The following BCAR3 variants were observed in gnomAD, a reference collection of about 807,000 sequenced individuals.
BCAR3 encodes breast cancer anti-estrogen resistance protein 3.
A neutral mutation model predicts 80.1 loss-of-function variants in BCAR3; 37 were observed. The observed-to-expected ratio is 0.46, with a 90% CI of 0.36 to 0.61. The LOEUF (loss-of-function observed/expected upper bound fraction) is 0.61, where lower values mean the gene tolerates loss of function less well. Among genes scored for constraint, BCAR3 ranks in the 20% least tolerant of loss-of-function variants. The pLI is 0.00. For missense variants in BCAR3, 978 were observed against 1,068.2 expected (o/e 0.92, Z 1.18); for synonymous variants, 389 against 418.9 (o/e 0.93, Z 0.87).
At chr1:93,610,050 G>T (rs1314344794) in intron 3 of BCAR3, among the ~76,000 whole-genome samples, 1 of 152,192 alleles carries the variant, frequency 6.6e-6, no homozygotes, top group Non-Finnish European at 1.5e-5. Flanking sequence ...CACCAGGCAT[G>T]GTATTACAGC....
At chr1:93,727,648 A>G (rs1279122827) in intron 2 of BCAR3, among the ~76,000 whole-genome samples, 1 of 152,228 alleles carries the variant, frequency 6.6e-6, no homozygotes, top group Non-Finnish European at 1.5e-5. Flanking sequence ...CCATTACAGA[A>G]GTTATACATG....
chr1:93,846,697 A>G, intron 1 of BCAR3: 3 of 342,022 alleles, frequency 8.8e-6, no homozygotes, highest in Non-Finnish European at 1.7e-5. Flanking sequence ...CAGCGCTCCC[A>G]CGCGTGCTGA....
chr1:93,715,364 A>C (rs544470849), intron 2 of BCAR3, among the ~76,000 whole-genome samples: 2 of 152,344 alleles, frequency 1.3e-5, no homozygotes, highest in African/African-American at 4.8e-5. Context: ...AGGAAAGATG[A>C]CAGAAACAAA....
chr1:93,740,334 G>C (rs935787310), intron 2 of BCAR3, among the ~76,000 whole-genome samples: 1 of 152,222 alleles, frequency 6.6e-6, no homozygotes. Context: ...GCTGTGGAGG[G>C]AGAGGCTTCC....
intron 2 of BCAR3, among the ~76,000 whole-genome samples, chr1:93,777,773 A>G (rs1214849707): frequency 1.3e-5 from 2 of 152,160 alleles, no homozygotes; most frequent in Non-Finnish European, 2.9e-5. Flanking sequence ...AGAAAGAAAC[A>G]TTCCCTTCTC....
At chr1:93,642,672 T>C (rs933101449) in intron 2 of BCAR3, among the ~76,000 whole-genome samples, 1 of 152,204 alleles carries the variant, frequency 6.6e-6, no homozygotes, top group Non-Finnish European at 1.5e-5. Context: ...CAGGCAGGAC[T>C]GGGTACGGGA....
chr1:93,632,956 T>C (rs563579233), intron 3 of BCAR3, among the ~76,000 whole-genome samples: 3 of 151,906 alleles, frequency 2.0e-5, no homozygotes, highest in South Asian at 2.1e-4. Flanking sequence ...GAGGCAGAGG[T>C]TGCAGTGAGC....
At chr1:93,583,965 G>A in intron 6 of BCAR3, 53 bp downstream of exon 6, 2 of 1,561,854 alleles carry the variant, frequency 1.3e-6, no homozygotes, top group Non-Finnish European at 1.8e-6. Flanking sequence ...GTAACAGCCT[G>A]AAGGAAACCA....
chr1:93,735,860 G>A (rs555835921), intron 2 of BCAR3, among the ~76,000 whole-genome samples: 1 of 152,344 alleles, frequency 6.6e-6, no homozygotes, highest in Admixed American at 6.5e-5. Flanking sequence ...CACAGCATTT[G>A]GTGGCCTTCC....
chr1:93,597,586 G>A (rs147209277), intron 3 of BCAR3, among the ~76,000 whole-genome samples: 2 of 152,342 alleles, frequency 1.3e-5, no homozygotes, highest in Non-Finnish European at 2.9e-5. Flanking sequence ...GTCATGAGGT[G>A]TTAATAAGGA....
At chr1:93,607,185 C>G (rs1674795798) in intron 3 of BCAR3, among the ~76,000 whole-genome samples, 1 of 152,120 alleles carries the variant, frequency 6.6e-6, no homozygotes. Context: ...ATTGGAAGCT[C>G]AAATCCCACC....
At chr1:93,808,509 C>T (rs1031634069) in intron 2 of BCAR3, among the ~76,000 whole-genome samples, 1 of 151,964 alleles carries the variant, frequency 6.6e-6, no homozygotes, top group Non-Finnish European at 1.5e-5. Context: ...CCAGCAAAAT[C>T]GATGTATAAA....
At chr1:93,796,533 A>C (rs1415398788) in intron 2 of BCAR3, among the ~76,000 whole-genome samples, 2 of 150,612 alleles carry the variant, frequency 1.3e-5, no homozygotes, top group Non-Finnish European at 2.9e-5. Context: ...GTGCGCGCAC[A>C]CACTGGCCTG....
chr1:93,580,560 T>C (rs1412414368), intron 7 of BCAR3, among the ~76,000 whole-genome samples: 1 of 152,142 alleles, frequency 6.6e-6, no homozygotes, highest in Non-Finnish European at 1.5e-5. Context: ...TAGACTTTTT[T>C]CCTTGCCATT....
At chr1:93,568,641 G>A (rs1048586526) in intron 9 of BCAR3, among the ~76,000 whole-genome samples, 4 of 152,132 alleles carry the variant, frequency 2.6e-5, no homozygotes, top group Non-Finnish European at 4.4e-5. Flanking sequence ...CAAAATTCCT[G>A]TCTATACGCA....
chr1:93,708,641 C>T (rs1301306046), intron 2 of BCAR3, among the ~76,000 whole-genome samples: 2 of 152,178 alleles, frequency 1.3e-5, no homozygotes. Context: ...TCACAGAAAC[C>T]GGTTTCAGTT....
At chr1:93,783,722 A>C (rs1652844696) in intron 2 of BCAR3, among the ~76,000 whole-genome samples, 1 of 152,220 alleles carries the variant, frequency 6.6e-6, no homozygotes, top group South Asian at 2.1e-4. Flanking sequence ...CATATTGCCT[A>C]GGAGTACATA....
chr1:93,724,234 G>A (rs974143274), intron 2 of BCAR3, among the ~76,000 whole-genome samples: 1 of 152,170 alleles, frequency 6.6e-6, no homozygotes, highest in Non-Finnish European at 1.5e-5. Flanking sequence ...GGTGGCTGGG[G>A]GGTCCATGTC....
intron 8 of BCAR3, among the ~76,000 whole-genome samples, chr1:93,573,803 G>GT (rs34253912): frequency 1.3e-5 from 2 of 150,934 alleles, no homozygotes; most frequent in Admixed American, 6.6e-5. Context: ...TAATTTTCGT[G>GT]TTTTTTTGTA....
Sources: allele counts gnomAD v4.1 joint callset (sites outside exome capture counted in the v4.1 genomes callset), GRCh38; gene constraint gnomAD v4.1.1; transcripts MANE v1.5; gene names NCBI Gene and HGNC (gene_info 2026-07-23, HGNC 2026-07-21).